Variants in ADAM12 observed in about 807,000 individuals in gnomAD.
ADAM12 encodes the protein disintegrin and metalloproteinase domain-containing protein 12.
Under a neutral mutation model 106.4 loss-of-function variants are expected in ADAM12, and 70 were observed. The observed-to-expected ratio is 0.66, with a 90% confidence interval of 0.54 to 0.80. ADAM12 has a LOEUF of 0.80. ADAM12 is among the 30% of genes least tolerant of loss of function. ADAM12 has a pLI of 0.00. For missense variants in ADAM12, 1,010 were observed against 1,171.9 expected, an observed-to-expected ratio of 0.86 and a Z score of 2.02; for synonymous variants, 420 against 433.5, an observed-to-expected ratio of 0.97 and a Z score of 0.39.
intron 14 of ADAM12, among the ~76,000 whole-genome samples, chr10:126,062,267 G>A (rs1954772965): frequency 6.6e-6 from 1 of 152,144 alleles, no homozygotes; most frequent in Admixed American, 6.5e-5. Context: ...GTTCCATGCT[G>A]TGTGCAGTGG....
At chr10:126,074,096 A>G (rs888147945) in intron 11 of ADAM12, among the ~76,000 whole-genome samples, 6 of 152,208 alleles carry the variant, frequency 3.9e-5, no homozygotes, top group African/African-American at 1.4e-4. Context: ...TAGGAGATGA[A>G]ACATCATTCT....
chr10:126,181,729 TA>T (rs1450867433), intron 3 of ADAM12, among the ~76,000 whole-genome samples: 1 of 152,152 alleles, frequency 6.6e-6, no homozygotes, highest in East Asian at 1.9e-4. Context: ...CTCAGTTGGT[TA>T]AAATTGCAGC....
chr10:126,306,206 T>C (rs1960838456), intron 2 of ADAM12, among the ~76,000 whole-genome samples: 1 of 152,168 alleles, frequency 6.6e-6, no homozygotes, highest in Middle Eastern at 3.4e-3. Context: ...TTATTTCATC[T>C]TTCTCTTATA....
chr10:126,172,659 G>A (rs1446832185), intron 3 of ADAM12, among the ~76,000 whole-genome samples: 1 of 152,182 alleles, frequency 6.6e-6, no homozygotes, highest in Non-Finnish European at 1.5e-5. Context: ...CTGTTGGTGG[G>A]AGTGTAAATT....
intron 4 of ADAM12, among the ~76,000 whole-genome samples, chr10:126,137,858 T>A (rs1035196942): frequency 1.4e-4 from 21 of 152,242 alleles, no homozygotes; most frequent in Admixed American, 1.0e-3. Context: ...GTACACATTT[T>A]TGTAAGGATG....
At chr10:126,284,818 G>A (rs1056973085) in intron 2 of ADAM12, among the ~76,000 whole-genome samples, 1 of 152,202 alleles carries the variant, frequency 6.6e-6, no homozygotes, top group African/African-American at 2.4e-5. Flanking sequence ...ATGTCTGGGT[G>A]TGAATTTTGT....
intron 2 of ADAM12, among the ~76,000 whole-genome samples, chr10:126,284,738 G>A (rs1959764591): frequency 6.6e-6 from 1 of 152,166 alleles, no homozygotes; most frequent in Non-Finnish European, 1.5e-5. Context: ...CCTTGGGCAG[G>A]TGACCCATCT....
At chr10:126,142,886 C>T (rs12779767) in intron 4 of ADAM12, among the ~76,000 whole-genome samples, 49,247 of 151,598 alleles carry the variant, frequency 0.32, 8,326 homozygotes, top group Non-Finnish European at 0.38. Context: ...TGGGCACGTG[C>T]GTATATTTGT....
intron 3 of ADAM12, among the ~76,000 whole-genome samples, chr10:126,210,534 T>C (rs777138101): frequency 6.6e-6 from 1 of 151,968 alleles, no homozygotes. Flanking sequence ...AGAGAGAATG[T>C]CGTGGATGGC....
At position 126,109,901 on chromosome 10, in the gene ADAM12, A is replaced by G; in HGVS notation, c.604-61T>C. The G allele has an allele frequency of 4.0e-6, 6 of 1,507,468 alleles. No homozygotes were observed. In the South Asian group the frequency reaches 4.6e-5, roughly 12 times the overall value. The allele number at this position is 1,507,468 out of a possible 1,614,324, so 93.4% of individuals were successfully genotyped here. On this transcript the variant is annotated intron_variant, in intron 6 of 22. Transcript: ENST00000448723. ...TGCCTCTCTGGCATTAAGACTGTCA[A>G]TGTCTCTCAATCTAAACACTTTAGG... is the stretch of plus-strand genomic sequence containing the variant.
At chr10:126,331,432 A>C (rs913492323) in intron 1 of ADAM12, among the ~76,000 whole-genome samples, 6 of 152,228 alleles carry the variant, frequency 3.9e-5, no homozygotes, top group Admixed American at 1.3e-4. Flanking sequence ...TATTGGGCAC[A>C]AATGGTATTG....
At chr10:126,111,627 C>A (rs1331901681) in intron 6 of ADAM12, among the ~76,000 whole-genome samples, 1 of 152,170 alleles carries the variant, frequency 6.6e-6, no homozygotes, top group African/African-American at 2.4e-5. Flanking sequence ...TGGGATATTT[C>A]CAACTGGCTT....
chr10:126,114,378 A>C (rs1379958616), intron 6 of ADAM12, among the ~76,000 whole-genome samples: 1 of 152,238 alleles, frequency 6.6e-6, no homozygotes, highest in African/African-American at 2.4e-5. Flanking sequence ...ACTCACTAGG[A>C]ATCCACACCT....
intron 3 of ADAM12, among the ~76,000 whole-genome samples, chr10:126,189,507 C>T (rs553579422): frequency 3.3e-5 from 5 of 152,304 alleles, no homozygotes; most frequent in South Asian, 4.2e-4. Flanking sequence ...CTCTACTCTA[C>T]GGATACCACC....
intron 3 of ADAM12, among the ~76,000 whole-genome samples, chr10:126,226,084 G>A (rs1010273709): frequency 3.3e-5 from 5 of 151,952 alleles, no homozygotes; most frequent in Admixed American, 6.6e-5. Flanking sequence ...CAGACCACCC[G>A]TGCAAGCCAG....
intron 2 of ADAM12, among the ~76,000 whole-genome samples, chr10:126,312,270 C>T (rs372527480): frequency 6.6e-5 from 10 of 152,228 alleles, no homozygotes; most frequent in South Asian, 4.1e-4. Flanking sequence ...AGAGCACCAG[C>T]GGGGGACACA....
intron 11 of ADAM12, among the ~76,000 whole-genome samples, chr10:126,082,459 C>T (rs1007634194): frequency 6.7e-6 from 1 of 150,232 alleles, no homozygotes; most frequent in Non-Finnish European, 1.5e-5. Flanking sequence ...ACTTCCGCCT[C>T]CCGGGTTCAA....
At chr10:126,041,551 T>G (rs1954170336) in intron 18 of ADAM12, 2 of 985,852 alleles carry the variant, frequency 2.0e-6, no homozygotes, top group African/African-American at 3.5e-5. Context: ...CCCTTTCTCC[T>G]ACCTTCTTCT....
Position 126,118,086 on chromosome 10 carries a change from G to A in ADAM12, c.555C>T (p.Leu185=), listed in dbSNP as rs1454118681. ...SCGSHHNTPN[L]AAKNVFPPPS... is the part of the protein sequence containing the mutation. ...GTGGTGGAAACACATTCTTTGCAGCGAGGTTTGGTGTGTTGTGATGTGATC... is the reference window on the plus strand; with the variant it reads ...GTGGTGGAAACACATTCTTTGCAGCAAGGTTTGGTGTGTTGTGATGTGATC... Residue 185 remains leucine, a synonymous_variant, in exon 6 of 23, where the codon CTC becomes CTT. Transcript: ENST00000448723. 10 of 1,614,002 alleles carry A rather than the reference G, an allele frequency of 6.2e-6. No homozygotes were observed. Among genetic ancestry groups the A allele is most frequent in the African/African-American group, 2.7e-5 (2 of 74,902 alleles).
Sources: gnomAD v4.1 joint callset for allele counts (sites outside exome capture counted in the v4.1 genomes callset) on GRCh38, gnomAD v4.1.1 for gene constraint, MANE v1.5 for transcripts, NCBI Gene and HGNC (gene_info 2026-07-23, HGNC 2026-07-21) for gene names.